CHD1L: variants seen among roughly 807,000 people sequenced by gnomAD.
CHD1L encodes the protein chromodomain helicase DNA binding protein 1 like, also known as ATP-dependent chromatin remodeler CHD1L.
Under a neutral mutation model 115.9 loss-of-function variants are expected in CHD1L, and 118 were observed. That is an observed-to-expected ratio of 1.02 (90% CI 0.88 to 1.19). The LOEUF (loss-of-function observed/expected upper bound fraction) is 1.19. Ranked by LOEUF, CHD1L falls within the 50% of genes most tolerant of loss-of-function variation. CHD1L has a pLI of 0.00. For missense variants in CHD1L, 1,179 were observed against 1,065.3 expected (o/e 1.11, Z -1.49); for synonymous variants, 411 against 387.1 (o/e 1.06, Z -0.72).
intron 1 of CHD1L, chr1:147,243,190 G>A (rs1250810295): frequency 5.7e-6 from 1 of 176,880 alleles, no homozygotes; most frequent in Non-Finnish European, 1.2e-5. Context: ...TTGCTGTTCC[G>A]GTGGGTTTGG....
the CHD1L span, among the ~76,000 whole-genome samples, chr1:147,182,184 T>G: frequency 6.0e-3 from 918 of 152,336 alleles, 43 homozygotes; most frequent in East Asian, 0.1. Context: ...TAAAGACACA[T>G]TTTGTAGTCT....
the CHD1L span, chr1:147,203,197 G>A: frequency 1.3e-6 from 1 of 745,238 alleles, no homozygotes. Context: ...AATGTAAGGA[G>A]AATAAGAAAA....
In CHD1L at chr1:147,284,367, A is replaced by G; in HGVS notation, c.1722A>G (p.Leu574=). 6.3e-7 allele frequency: 1 copy of G among 1,579,168 alleles called. No individual in the cohort carries two copies. Among genetic ancestry groups the G allele is most frequent in the Non-Finnish European group, 8.6e-7 (1 of 1,162,156 alleles). The change falls in exon 16 of 23, where the codon TTA becomes TTG. Residue 574 remains leucine (L), a synonymous_variant. Coordinates refer to ENST00000369258, the MANE Select transcript of CHD1L (RefSeq NM_004284.6). ...TGTTGTTAGAAAATCATATGTACTT[A>G]TTTGAAGGTAAAGATTATTCTAAAG... The part of the protein sequence containing the change: ...DQEEGKNHMY[L]FEGKDYSKEP...
At chr1:147,287,087 C>T (rs1683461811) in intron 18 of CHD1L, among the ~76,000 whole-genome samples, 1 of 152,150 alleles carries the variant, frequency 6.6e-6, no homozygotes, top group Non-Finnish European at 1.5e-5. Context: ...TTAAAAAATA[C>T]ACTTATGGCA....
chr1:147,211,369 T>G, the CHD1L span: 2 of 152,214 alleles, frequency 1.3e-5, no homozygotes, highest in African/African-American at 4.8e-5. Context: ...TTTTAATTAT[T>G]TTTAATCCTT....
intron 19 of CHD1L, 143 bp from the exon 20 acceptor site, chr1:147,291,335 TTGAC>T: frequency 1.5e-6 from 1 of 662,426 alleles, no homozygotes; most frequent in Non-Finnish European, 2.7e-6. Flanking sequence ...AGCTAAGAGG[TTGAC>T]TGAGGCCAGG....
At chr1:147,230,502 A>G in the CHD1L span, among the ~76,000 whole-genome samples, 1 of 90,542 alleles carries the variant, frequency 1.1e-5, no homozygotes, top group Non-Finnish European at 1.9e-5. Context: ...GGCTTTGGGT[A>G]TCAGGATGAT....
chr1:147,252,827 G>A, intron 2 of CHD1L, 92 bp downstream of exon 2: 1 of 1,077,554 alleles, frequency 9.3e-7, no homozygotes, highest in East Asian at 2.4e-5. Flanking sequence ...CTAAAACAAA[G>A]CTCAGTTTCA....
In CHD1L at chr1:147,286,275, C is replaced by A. The variant is rs367912758; in HGVS notation, c.2019-23C>A. ...AATTGTGATTGTCTGGGTTAATTTCCTTTTGTCTCTGGCCTGCTAAAGGAT... is the reference window on the plus strand; with the variant it reads ...AATTGTGATTGTCTGGGTTAATTTCATTTTGTCTCTGGCCTGCTAAAGGAT... On this transcript the variant is annotated intron_variant, in intron 17 of 22. Coordinates refer to ENST00000369258, the MANE Select transcript of CHD1L (RefSeq NM_004284.6). The A allele has an allele frequency of 4.0e-4, 638 of 1,609,440 alleles. 2 individuals carry two copies. The highest frequency in any genetic ancestry group is 1.4e-3 in the Middle Eastern group (8 of 5,892).
intron 1 of CHD1L, among the ~76,000 whole-genome samples, chr1:147,246,961 T>A (rs939963953): frequency 6.6e-6 from 1 of 151,264 alleles, no homozygotes; most frequent in Non-Finnish European, 1.5e-5. Context: ...CAGCTTCTTA[T>A]TTAAGTCCAT....
chr1:147,209,235 C>T, the CHD1L span, among the ~76,000 whole-genome samples: 15 of 152,160 alleles, frequency 9.9e-5, no homozygotes, highest in East Asian at 2.7e-3. Flanking sequence ...CTGGCTAACA[C>T]AGTGAAACCC....
chr1:147,289,061 A>G (rs1684499579), intron 19 of CHD1L, among the ~76,000 whole-genome samples: 1 of 152,220 alleles, frequency 6.6e-6, no homozygotes, highest in African/African-American at 2.4e-5. Flanking sequence ...ATAAGAACTT[A>G]GAATGACTAC....
the CHD1L span, among the ~76,000 whole-genome samples, chr1:147,184,938 C>G: frequency 6.6e-6 from 1 of 151,834 alleles, no homozygotes; most frequent in Non-Finnish European, 1.5e-5. This position sits in a 1 kb window ranked among gnomAD's most constrained non-coding sequence, Gnocchi z 4.4. Flanking sequence ...CTATTCTACC[C>G]CATTTATTAA....
chr1:147,254,840 C>A, intron 2 of CHD1L, 30 bp from the exon 3 acceptor site: 2 of 1,514,120 alleles, frequency 1.3e-6, no homozygotes, highest in African/African-American at 1.4e-5. Context: ...GAAATGTGAT[C>A]AAAACTGCCT....
At chr1:147,258,829 T>G (rs587634645) in intron 5 of CHD1L, 1 of 152,228 alleles carries the variant, frequency 6.6e-6, no homozygotes, top group African/African-American at 2.4e-5. Context: ...TTTTTAAATA[T>G]GAAAATAATG....
At chr1:147,286,951 T>C (rs1416069856) in intron 18 of CHD1L, among the ~76,000 whole-genome samples, 2 of 139,350 alleles carry the variant, frequency 1.4e-5, no homozygotes, top group African/African-American at 5.6e-5. Flanking sequence ...CTTCTGTGAT[T>C]ACCTCATATA....
the CHD1L span, among the ~76,000 whole-genome samples, chr1:147,174,077 CCACTTAAGTACAACAAATT>C: frequency 4.6e-5 from 7 of 152,114 alleles, no homozygotes; most frequent in Admixed American, 2.0e-4. Context: ...AGTTGACATC[CCACTTAAGTACAACAAATT>C]CACTACTCCC....
intron 19 of CHD1L, 133 bp downstream of exon 19, chr1:147,287,866 A>G: frequency 1.5e-6 from 1 of 654,046 alleles, no homozygotes. Context: ...TTCTGTCATA[A>G]ATTAGCTACT....
At chr1:147,289,709 A>G (rs963696966) in intron 19 of CHD1L, among the ~76,000 whole-genome samples, 2 of 152,234 alleles carry the variant, frequency 1.3e-5, no homozygotes, top group Non-Finnish European at 2.9e-5. Flanking sequence ...GAGGATCCCC[A>G]ACTGCTCATT....
Sources: gnomAD v4.1 joint callset for allele counts (sites outside exome capture counted in the v4.1 genomes callset) on GRCh38, gnomAD v4.1.1 for gene constraint, Gnocchi (gnomAD v3.1) non-coding constraint, MANE v1.5 for transcripts, NCBI Gene and HGNC (gene_info 2026-07-23, HGNC 2026-07-21) for gene names.